FAM120B: variants seen among roughly 807,000 people sequenced by gnomAD.
The protein encoded by FAM120B is family with sequence similarity 120 member B, also known as constitutive coactivator of peroxisome proliferator-activated receptor gamma.
In FAM120B, 83 loss-of-function variants were observed where a neutral mutation model predicts 96.3. That is an observed-to-expected ratio of 0.86 (90% CI 0.72 to 1.03). The LOEUF is 1.03. Ranked by LOEUF, FAM120B falls within the 50% of genes least tolerant of loss-of-function variation. The probability of loss-of-function intolerance (pLI) is 0.00; values close to 1 mark genes in which losing one functional copy is unlikely to be tolerated. For synonymous variants in FAM120B, 407 were observed against 402.7 expected (o/e 1.01, Z -0.13); for missense variants, 1,027 against 1,121.2 (o/e 0.92, Z 1.20).
intron 6 of FAM120B, among the ~76,000 whole-genome samples, chr6:170,374,928 A>G (rs1390128209): frequency 6.6e-6 from 1 of 152,198 alleles, no homozygotes; most frequent in Non-Finnish European, 1.5e-5. Flanking sequence ...TTTCTTGAGG[A>G]TAGGACTTCC....
intron 4 of FAM120B, among the ~76,000 whole-genome samples, chr6:170,342,236 ATACT>A (rs1786887753): frequency 6.6e-6 from 1 of 152,226 alleles, no homozygotes; most frequent in South Asian, 2.1e-4. Context: ...TGCTAAATAA[ATACT>A]CACTTAAATT....
At chr6:170,290,817 C>A, upstream of FAM120B, 1 of 609,162 alleles carries the variant, frequency 1.6e-6, no homozygotes, top group Non-Finnish European at 2.9e-6. This position sits in a 1 kb window ranked among gnomAD's most constrained non-coding sequence, Gnocchi z 4.7. Flanking sequence ...TACACACGCG[C>A]AGGACCGGAG....
chr6:170,397,548 C>T (rs1053334301), intron 9 of FAM120B, among the ~76,000 whole-genome samples: 1 of 152,124 alleles, frequency 6.6e-6, no homozygotes, highest in Admixed American at 6.5e-5. Context: ...GTGATTGCAG[C>T]AGGTGGTGAG....
intron 7 of FAM120B, 138 bp downstream of exon 7, chr6:170,388,631 T>C: frequency 1.4e-6 from 1 of 715,790 alleles, no homozygotes; most frequent in Non-Finnish European, 2.4e-6. Flanking sequence ...GAACACATGA[T>C]TTGAAGCATT....
At position 170,405,114 on chromosome 6, in the gene FAM120B, G is replaced by T; in HGVS notation, c.*363G>T. 1 of 155,728 alleles carries T rather than the reference G, an allele frequency of 6.4e-6. No homozygotes were observed. 9.6% of individuals were successfully genotyped at this position (155,728 alleles called of 1,614,324 possible). On this transcript the variant is annotated 3_prime_UTR_variant, in exon 11 of 11. Coordinates refer to ENST00000476287, the MANE Select transcript of FAM120B (RefSeq NM_032448.3). ...TTATTAGCAACACTAGATTATGAGG[G>T]GTTATCTCCTGTTATTAAAAAGTCA...
At chr6:170,335,319 A>G (rs1562539638) in intron 4 of FAM120B, among the ~76,000 whole-genome samples, 1 of 151,050 alleles carries the variant, frequency 6.6e-6, no homozygotes, top group African/African-American at 2.4e-5. Context: ...TTGGTTTTCT[A>G]TTCTTGTGTT....
chr6:170,290,842 G>A (rs1053661172), upstream of FAM120B: 2 of 639,202 alleles, frequency 3.1e-6, no homozygotes, highest in Non-Finnish European at 5.6e-6. This position sits in a 1 kb window ranked among gnomAD's most constrained non-coding sequence, Gnocchi z 4.7. Flanking sequence ...CGGGCCGTGG[G>A]AGGAGGCTCT....
chr6:170,319,294 A>G (rs892146900), intron 2 of FAM120B, among the ~76,000 whole-genome samples, 170 bp downstream of exon 2: 1 of 152,252 alleles, frequency 6.6e-6, no homozygotes, highest in African/African-American at 2.4e-5. Flanking sequence ...ACTCACAACC[A>G]ATGTTGGATA....
upstream of FAM120B, chr6:170,290,900 G>A (rs1373663419): frequency 1.4e-6 from 1 of 692,364 alleles, no homozygotes; most frequent in Non-Finnish European, 2.6e-6. The surrounding 1 kb of genome is among the most constrained non-coding windows in gnomAD (Gnocchi z 4.7). Context: ...CGGCCGGGTC[G>A]GGTCTCCGCG....
intron 6 of FAM120B, among the ~76,000 whole-genome samples, chr6:170,371,027 A>C (rs1447883677): frequency 6.6e-6 from 1 of 152,168 alleles, no homozygotes; most frequent in Non-Finnish European, 1.5e-5. Flanking sequence ...TCACCCATTT[A>C]AGGTGTACAA....
intron 5 of FAM120B, 82 bp from the exon 6 acceptor site, chr6:170,358,144 A>G: frequency 8.2e-7 from 1 of 1,221,988 alleles, no homozygotes. Flanking sequence ...ACACACACTC[A>G]TAGTTAATAA....
At chr6:170,362,349 G>T (rs1328174613) in intron 6 of FAM120B, among the ~76,000 whole-genome samples, 2 of 152,212 alleles carry the variant, frequency 1.3e-5, no homozygotes, top group African/African-American at 4.8e-5. Context: ...GCCCTTGTGG[G>T]CCTGGAGTCC....
At position 170,388,276 on chromosome 6, in the gene FAM120B, G is replaced by A. The variant is rs1790304116; in HGVS notation, c.2284-11G>A. ...GTCTTACATTTTTGGTGTGTGTTCT[G>A]GTCTCCACAGCCTGATTACATCAAC... On this transcript the variant is annotated splice_polypyrimidine_tract_variant and intron_variant, in intron 6 of 10. Coordinates refer to ENST00000476287, the MANE Select transcript of FAM120B (RefSeq NM_032448.3). The A allele has an allele frequency of 6.2e-7, 1 of 1,612,496 alleles. No individual in the cohort carries two copies. The highest frequency in any genetic ancestry group is 1.1e-5 in the South Asian group (1 of 90,988).
At chr6:170,389,846 C>G (rs185686664) in intron 7 of FAM120B, among the ~76,000 whole-genome samples, 56 of 152,292 alleles carry the variant, frequency 3.7e-4, no homozygotes, top group Admixed American at 6.5e-4. Flanking sequence ...CAGGTGTGAG[C>G]CACCGCGACC....
At chr6:170,374,084 G>A (rs1170135602) in intron 6 of FAM120B, among the ~76,000 whole-genome samples, 1 of 152,150 alleles carries the variant, frequency 6.6e-6, no homozygotes, top group African/African-American at 2.4e-5. Flanking sequence ...AGAAAGCCTT[G>A]TTGAGGAAAC....
chr6:170,366,288 C>T (rs1333329732), intron 6 of FAM120B, among the ~76,000 whole-genome samples: 1 of 152,174 alleles, frequency 6.6e-6, no homozygotes, highest in Non-Finnish European at 1.5e-5. Flanking sequence ...GAGCTGAGAG[C>T]TGGGACTCAT....
chr6:170,396,181 C>G (rs1314233657), intron 9 of FAM120B, among the ~76,000 whole-genome samples: 1 of 152,196 alleles, frequency 6.6e-6, no homozygotes, highest in Non-Finnish European at 1.5e-5. Context: ...CCTTAAAATC[C>G]AAATCAGCCT....
intron 6 of FAM120B, among the ~76,000 whole-genome samples, chr6:170,371,466 A>G (rs1789183930): frequency 6.6e-6 from 1 of 152,194 alleles, no homozygotes; most frequent in Non-Finnish European, 1.5e-5. Context: ...ATGTGGAATG[A>G]CATCCCCCTC....
intron 2 of FAM120B, among the ~76,000 whole-genome samples, chr6:170,320,968 G>A (rs964909568): frequency 2.0e-5 from 3 of 152,204 alleles, no homozygotes; most frequent in Admixed American, 2.0e-4. Flanking sequence ...AGGAGGTCCT[G>A]ATGGCATCAG....
Sources: allele counts gnomAD v4.1 joint callset (sites outside exome capture counted in the v4.1 genomes callset), GRCh38; gene constraint gnomAD v4.1.1; non-coding constraint Gnocchi (gnomAD v3.1); transcripts MANE v1.5; gene names NCBI Gene and HGNC (gene_info 2026-07-23, HGNC 2026-07-21).